The following ITGBL1 variants were observed in gnomAD, a reference collection of about 807,000 sequenced individuals.
ITGBL1 encodes the protein integrin subunit beta like 1.
ITGBL1 carries 51 observed loss-of-function variants against 68.5 expected under a neutral mutation model. That is an observed-to-expected ratio of 0.74 (90% CI 0.59 to 0.94). ITGBL1 has a LOEUF of 0.94. ITGBL1 is among the 40% of genes least tolerant of loss of function. The pLI, the probability that ITGBL1 is intolerant of heterozygous loss-of-function variation, is 0.00. For synonymous variants in ITGBL1, 209 were observed against 227.3 expected (o/e 0.92, Z 0.72); for missense variants, 649 against 647.4 (o/e 1.00, Z -0.03).
chr13:101,712,045 C>T (rs1455883047), intron 9 of ITGBL1: 1 of 152,162 alleles, frequency 6.6e-6, no homozygotes, highest in Non-Finnish European at 1.5e-5. Flanking sequence ...AAGAGAGGCA[C>T]AATTTGACCC....
intron 2 of ITGBL1, among the ~76,000 whole-genome samples, chr13:101,529,759 G>A (rs2049440782): frequency 6.6e-6 from 1 of 152,104 alleles, no homozygotes; most frequent in South Asian, 2.1e-4. Flanking sequence ...GTTTTCTCCT[G>A]CCGCCATAAA....
At chr13:101,619,100 C>T (rs1046398553) in intron 7 of ITGBL1, among the ~76,000 whole-genome samples, 3 of 152,000 alleles carry the variant, frequency 2.0e-5, no homozygotes, top group African/African-American at 4.8e-5. Flanking sequence ...TCATTGATTA[C>T]GTGTACAGCC....
At chr13:101,613,035 C>T (rs1220752458) in intron 7 of ITGBL1, among the ~76,000 whole-genome samples, 1 of 152,110 alleles carries the variant, frequency 6.6e-6, no homozygotes, top group Non-Finnish European at 1.5e-5. Context: ...TCTCACACCA[C>T]TTATTATTAA....
intron 2 of ITGBL1, among the ~76,000 whole-genome samples, chr13:101,566,631 G>A (rs1168583604): frequency 6.6e-6 from 1 of 152,134 alleles, no homozygotes; most frequent in Non-Finnish European, 1.5e-5. Context: ...CAGCCTCCAA[G>A]CCATTCATAC....
intron 6 of ITGBL1, among the ~76,000 whole-genome samples, chr13:101,585,435 C>T (rs943000): frequency 0.99 from 150,419 of 152,274 alleles, 74,317 homozygotes; most frequent in Middle Eastern, 1. Flanking sequence ...TTTGACAATA[C>T]CATTTTCTTT....
intron 7 of ITGBL1, among the ~76,000 whole-genome samples, chr13:101,618,692 C>T (rs1027963328): frequency 1.3e-5 from 2 of 152,150 alleles, no homozygotes; most frequent in Non-Finnish European, 2.9e-5. Flanking sequence ...GCCTCCAACA[C>T]ACACGTTTCT....
chr13:101,510,016 A>G (rs2049090113), intron 2 of ITGBL1, among the ~76,000 whole-genome samples: 1 of 152,146 alleles, frequency 6.6e-6, no homozygotes, highest in Non-Finnish European at 1.5e-5. Context: ...CTTTAGGAGT[A>G]CTAGCTTTAA....
At chr13:101,593,194 CA>C (rs1478605462) in intron 6 of ITGBL1, among the ~76,000 whole-genome samples, 2 of 152,002 alleles carry the variant, frequency 1.3e-5, no homozygotes, top group East Asian at 3.9e-4. Context: ...AAATCAACTC[CA>C]CAGTGAGATA....
At chr13:101,566,149 G>A (rs935018672) in intron 2 of ITGBL1, among the ~76,000 whole-genome samples, 4 of 151,694 alleles carry the variant, frequency 2.6e-5, no homozygotes, top group Non-Finnish European at 5.9e-5. Context: ...CTGTTTATTG[G>A]TGTGGAACCA....
chr13:101,579,389 G>A lies in ITGBL1; in HGVS notation c.689G>A (p.Arg230Lys). 1 of 1,613,788 alleles carries A rather than the reference G, an allele frequency of 6.2e-7. No homozygotes were observed. The highest frequency in any genetic ancestry group is 1.1e-5 in the South Asian group (1 of 91,076). ...ATCACCCCCTGGGAAAGCAAGCGAA[G>A]ATGCACGTCTCCAGATGGCAAAATC... is the stretch of plus-strand genomic sequence containing the variant. ...CDITPWESKR[R>K]CTSPDGKICS... Residue 230 changes from arginine (R) to lysine (K), a missense_variant, in exon 5 of 11, where the codon AGA becomes AAA. Arg to Lys is a conservative substitution (Grantham distance 26). Coordinates refer to ENST00000376180, the MANE Select transcript of ITGBL1 (RefSeq NM_004791.3).
At chr13:101,701,360 C>G (rs2034132004) in intron 8 of ITGBL1, among the ~76,000 whole-genome samples, 1 of 152,014 alleles carries the variant, frequency 6.6e-6, no homozygotes, top group Non-Finnish European at 1.5e-5. Flanking sequence ...CAGTAAAACC[C>G]TGTCTCTACT....
intron 7 of ITGBL1, among the ~76,000 whole-genome samples, chr13:101,662,510 CT>C (rs1300030963): frequency 3.9e-5 from 6 of 152,102 alleles, no homozygotes; most frequent in African/African-American, 1.4e-4. Flanking sequence ...TATTTTCTGA[CT>C]TTTTTCCATT....
At chr13:101,708,744 G>C (rs1187253340) in intron 9 of ITGBL1, among the ~76,000 whole-genome samples, 1 of 152,216 alleles carries the variant, frequency 6.6e-6, no homozygotes, top group African/African-American at 2.4e-5. Context: ...CACTTCAATA[G>C]ATGACAGTGT....
At chr13:101,474,444 G>A (rs573365654) in intron 2 of ITGBL1, among the ~76,000 whole-genome samples, 11 of 152,272 alleles carry the variant, frequency 7.2e-5, no homozygotes, top group African/African-American at 2.6e-4. Flanking sequence ...CTGACTCCAC[G>A]CACTGGCTCA....
chr13:101,622,915 A>ATGTGTGTGTG (rs59267168), intron 7 of ITGBL1, among the ~76,000 whole-genome samples: 8,430 of 148,392 alleles, frequency 0.057, 273 homozygotes, highest in South Asian at 0.12. Context: ...TGGGGTATGT[A>ATGTGTGTGTG]TGTGTGTGTG....
chr13:101,622,502 C>T lies in ITGBL1; in HGVS notation c.1015+24203C>T, dbSNP rs571968355. ...ATTTTCCTCCATATTCCAGCTAAACCGGTGCGCACTTTTAGTTTTGTATTT... is the reference window on the plus strand; with the variant it reads ...ATTTTCCTCCATATTCCAGCTAAACTGGTGCGCACTTTTAGTTTTGTATTT... On this transcript the variant is annotated intron_variant, in intron 7 of 10. Coordinates refer to ENST00000376180, the MANE Select transcript of ITGBL1 (RefSeq NM_004791.3). Among the ~76,000 whole-genome samples, 31 of 152,184 alleles carry T rather than the reference C, an allele frequency of 2.0e-4. No individual in the cohort carries two copies. In the South Asian group the frequency reaches 5.6e-3, roughly 28 times the overall value.
In ITGBL1 at chr13:101,642,941, G is replaced by A. The variant is rs532928979; in HGVS notation, c.1015+44642G>A. 3.3e-5 allele frequency among the ~76,000 whole-genome samples: 5 copies of A among 149,486 alleles called. No homozygotes were observed. In the East Asian group the frequency reaches 9.9e-4, roughly 29 times the overall value. On this transcript the variant is annotated intron_variant, in intron 7 of 10. Coordinates refer to ENST00000376180, the MANE Select transcript of ITGBL1 (RefSeq NM_004791.3). The stretch of plus-strand genomic sequence containing the variant: ...GATCTATATCTCTGTTTTGGTACCA[G>A]TACCATGCTGTTTTGGTTACTGTAG...
At chr13:101,460,293 T>A (rs112090701) in intron 2 of ITGBL1, among the ~76,000 whole-genome samples, 1 of 152,190 alleles carries the variant, frequency 6.6e-6, no homozygotes, top group Non-Finnish European at 1.5e-5. Flanking sequence ...AATAAATGTC[T>A]GTAACAGACA....
chr13:101,693,499 A>G (rs1320664207), intron 8 of ITGBL1, among the ~76,000 whole-genome samples: 1 of 152,116 alleles, frequency 6.6e-6, no homozygotes, highest in Admixed American at 6.6e-5. Flanking sequence ...GGCTTGTTAC[A>G]TATGTCTTAT....
Sources: allele counts gnomAD v4.1 joint callset (sites outside exome capture counted in the v4.1 genomes callset), GRCh38; gene constraint gnomAD v4.1.1; transcripts MANE v1.5; gene names NCBI Gene and HGNC (gene_info 2026-07-23, HGNC 2026-07-21).